Variants in PRKCB observed in about 807,000 individuals in gnomAD.
PRKCB encodes the protein protein kinase C beta type.
Under a neutral mutation model 81.5 loss-of-function variants are expected in PRKCB, and 13 were observed. That is an observed-to-expected ratio of 0.16 (90% CI 0.10 to 0.25). PRKCB has a LOEUF of 0.25. Ranked by LOEUF, PRKCB falls within the 10% of genes least tolerant of loss-of-function variation. The pLI is 1.00. For synonymous variants in PRKCB, 335 were observed against 321.4 expected, an observed-to-expected ratio of 1.04 and a Z score of -0.45; for missense variants, 509 against 875.7, an observed-to-expected ratio of 0.58 and a Z score of 5.29.
chr16:23,952,759 G>A (rs1425811147), intron 2 of PRKCB, among the ~76,000 whole-genome samples: 4 of 152,158 alleles, frequency 2.6e-5, no homozygotes, highest in Admixed American at 2.6e-4. Context: ...CAAATAATCT[G>A]AAATGTGTGA....
intron 3 of PRKCB, among the ~76,000 whole-genome samples, chr16:23,994,096 AC>A (rs1964923775): frequency 6.6e-6 from 1 of 152,192 alleles, no homozygotes; most frequent in Non-Finnish European, 1.5e-5. Flanking sequence ...GCCCAAAGGG[AC>A]CTACTGCTTT....
rs1023896631 is a variant in PRKCB, at chr16:24,147,031, G to A, written c.1066-7653G>A. 3.9e-5 allele frequency among the ~76,000 whole-genome samples: 6 copies of A among 152,158 alleles called. No individual in the cohort carries two copies. The South Asian group carries it at 8.3e-4, about 21-fold the overall frequency. ...TGGCAAAACTTCACAGCATATGGCC[G>A]GGCGCGGTGGCTCATGCCTGTAATC... On this transcript the variant is annotated intron_variant, in intron 9 of 16. Transcript: ENST00000643927.
intron 2 of PRKCB, among the ~76,000 whole-genome samples, chr16:23,908,899 G>A (rs1413132760): frequency 6.6e-6 from 1 of 152,250 alleles, no homozygotes; most frequent in Non-Finnish European, 1.5e-5. Context: ...AAGGAAGAGA[G>A]TGAAGAACAG....
At chr16:24,041,983 T>TG (rs887224827) in intron 5 of PRKCB, among the ~76,000 whole-genome samples, 2 of 108,996 alleles carry the variant, frequency 1.8e-5, no homozygotes, top group African/African-American at 3.4e-5. Context: ...GACTCCATCT[T>TG]GGAAAAAAAA....
At chr16:23,929,659 G>T (rs1262586810) in intron 2 of PRKCB, among the ~76,000 whole-genome samples, 1 of 152,146 alleles carries the variant, frequency 6.6e-6, no homozygotes, top group Admixed American at 6.5e-5. Context: ...TGTATCCTGA[G>T]CATCTAGGAC....
chr16:23,913,742 A>G (rs1486957987), intron 2 of PRKCB, among the ~76,000 whole-genome samples: 1 of 152,192 alleles, frequency 6.6e-6, no homozygotes, highest in African/African-American at 2.4e-5. Flanking sequence ...GAAGGGTTGA[A>G]GAATCTCTTA....
chr16:24,068,487 A>AG (rs1966067242), intron 5 of PRKCB, among the ~76,000 whole-genome samples: 1 of 143,156 alleles, frequency 7.0e-6, no homozygotes. Context: ...GAAAAAAAAA[A>AG]AAAAACCACA....
intron 12 of PRKCB, 193 bp downstream of exon 12, chr16:24,174,773 T>C (rs1967502281): frequency 4.0e-6 from 2 of 503,544 alleles, no homozygotes; most frequent in Non-Finnish European, 3.6e-6. Flanking sequence ...TATATGGTGG[T>C]AGAAAATCTC....
rs777925353 is a variant in PRKCB at position 24,185,480 on chromosome 16, T to C, written c.1635T>C (p.Asp545=). ...TACAGGCACCCTTTGAAGGGGAGGA[T>C]GAAGATGAACTCTTCCAATCCATCA... The part of the protein sequence containing the change: ...LAGQAPFEGE[D]EDELFQSIME... Residue 545 remains aspartate, a synonymous_variant, in exon 15 of 17, where the codon GAT becomes GAC. Transcript: ENST00000643927. 6.2e-6 allele frequency: 10 copies of C among 1,613,958 alleles called. No individual in the cohort carries two copies. The highest frequency in any genetic ancestry group is 8.5e-6 in the Non-Finnish European group (10 of 1,179,966).
intron 2 of PRKCB, among the ~76,000 whole-genome samples, chr16:23,890,269 C>T (rs951464741): frequency 6.6e-6 from 1 of 152,216 alleles, no homozygotes; most frequent in East Asian, 1.9e-4. Context: ...CACTGCCTCT[C>T]TGCAAACCTC....
rs993512802 is a variant in PRKCB at position 23,893,858 on chromosome 16, G to T, written c.205+56452G>T. The T allele has an allele frequency of 2.0e-5, 3 of 152,306 alleles. 1 individual carries two copies. Among genetic ancestry groups the T allele is most frequent in the Middle Eastern group, 6.8e-3 (2 of 294 alleles). The allele number at this position is 152,306 out of a possible 1,614,324, so 9.4% of individuals were successfully genotyped here. A position where few individuals can be genotyped will look rare whatever the true frequency, so the allele number is the denominator to read the frequency against. ...TTCAACCATTGTTACAAATAATATA[G>T]TTGTATATTTATCTTTATGGAAAGC... On this transcript the variant is annotated intron_variant, in intron 2 of 16. Coordinates refer to ENST00000643927, the MANE Select transcript of PRKCB (RefSeq NM_002738.7).
intron 2 of PRKCB, among the ~76,000 whole-genome samples, chr16:23,844,759 G>A (rs1333402953): frequency 3.3e-5 from 5 of 150,132 alleles, no homozygotes; most frequent in East Asian, 2.0e-4. Flanking sequence ...CTCCTGCCTC[G>A]GTCTCCCAAA....
intron 2 of PRKCB, among the ~76,000 whole-genome samples, chr16:23,904,231 C>T (rs1963524171): frequency 6.6e-6 from 1 of 152,298 alleles, no homozygotes; most frequent in East Asian, 1.9e-4. Context: ...TCCCAGATTT[C>T]CTATGTTCCA....
At chr16:24,005,942 A>G (rs1337059656) in intron 3 of PRKCB, among the ~76,000 whole-genome samples, 4 of 152,246 alleles carry the variant, frequency 2.6e-5, no homozygotes, top group Non-Finnish European at 5.9e-5. Flanking sequence ...CGAAGCAGCA[A>G]TGAGGGTTGA....
chr16:24,067,780 A>T (rs1163897893), intron 5 of PRKCB, among the ~76,000 whole-genome samples: 1 of 152,100 alleles, frequency 6.6e-6, no homozygotes, highest in African/African-American at 2.4e-5. Context: ...CATCCTGGCC[A>T]ACATAGTGAA....
chr16:23,984,619 A>G (rs548935302), intron 2 of PRKCB, among the ~76,000 whole-genome samples: 1 of 152,356 alleles, frequency 6.6e-6, no homozygotes, highest in Admixed American at 6.5e-5. Context: ...GAAAAAAAAT[A>G]ACGAGAGACT....
At chr16:23,936,540 G>A (rs1037103648) in intron 2 of PRKCB, among the ~76,000 whole-genome samples, 5 of 149,128 alleles carry the variant, frequency 3.4e-5, no homozygotes, top group Admixed American at 6.7e-5. Flanking sequence ...AGCTTCCTGC[G>A]TAGGTGAGGT....
intron 5 of PRKCB, among the ~76,000 whole-genome samples, chr16:24,048,772 G>C (rs562915498): frequency 6.6e-6 from 1 of 152,082 alleles, no homozygotes; most frequent in African/African-American, 2.4e-5. Context: ...GTGAGTCACC[G>C]TGCCCAGCCA....
At position 23,836,083 on chromosome 16, in the gene PRKCB, C is replaced by A; in HGVS notation, c.-93C>A. On this transcript the variant is annotated 5_prime_UTR_variant, in exon 1 of 17. Transcript: ENST00000643927. Reference sequence around the variant, plus strand: ...GCGCCCGCGGCCCCGGGTGCAGCAGCGGCCGCCGCCTCCCGCGCCTCCCCG... The same window carrying A: ...GCGCCCGCGGCCCCGGGTGCAGCAGAGGCCGCCGCCTCCCGCGCCTCCCCG... 1 of 931,552 alleles carries A rather than the reference C, an allele frequency of 1.1e-6. No individual in the cohort carries two copies. The highest frequency in any genetic ancestry group is 1.3e-6 in the Non-Finnish European group (1 of 777,278). The allele number at this position is 931,552 out of a possible 1,614,324, so 57.7% of individuals were successfully genotyped here.
Sources: gnomAD v4.1 joint callset for allele counts (sites outside exome capture counted in the v4.1 genomes callset) on GRCh38, gnomAD v4.1.1 for gene constraint, MANE v1.5 for transcripts, NCBI Gene and HGNC (gene_info 2026-07-23, HGNC 2026-07-21) for gene names.